EPHA6: variants seen among roughly 807,000 people sequenced by gnomAD.
EPHA6 encodes the protein ephrin type-A receptor 6.
Under a neutral mutation model 112.0 loss-of-function variants are expected in EPHA6, and 50 were observed. The observed-to-expected ratio is 0.45, with a 90% CI of 0.36 to 0.56. EPHA6 has a LOEUF of 0.56. Ranked by LOEUF, EPHA6 falls within the 20% of genes least tolerant of loss-of-function variation. EPHA6 has a pLI of 0.00. For synonymous variants in EPHA6, 529 were observed against 490.7 expected (o/e 1.08, Z -1.03); for missense variants, 1,280 against 1,417.4 (o/e 0.90, Z 1.56).
chr3:97,264,099 G>A (rs2079591810), intron 5 of EPHA6, among the ~76,000 whole-genome samples: 1 of 152,168 alleles, frequency 6.6e-6, no homozygotes, highest in Non-Finnish European at 1.5e-5. Context: ...CTTGTAATAT[G>A]AAAGTGTTAC....
chr3:97,648,569 C>T, intron 14 of EPHA6: 1 of 1,213,134 alleles, frequency 8.2e-7, no homozygotes, highest in Non-Finnish European at 1.0e-6. Flanking sequence ...AATATTTTAA[C>T]ACAAGTGAGA....
intron 7 of EPHA6, among the ~76,000 whole-genome samples, chr3:97,453,773 T>A (rs2090596835): frequency 6.6e-6 from 1 of 151,694 alleles, no homozygotes; most frequent in Non-Finnish European, 1.5e-5. Context: ...GAAATTTGGT[T>A]TGTTTTAACC....
intron 14 of EPHA6, among the ~76,000 whole-genome samples, chr3:97,707,630 T>A (rs914098783): frequency 2.0e-5 from 3 of 152,200 alleles, no homozygotes; most frequent in Non-Finnish European, 2.9e-5. Context: ...CATTTTTTAA[T>A]CAATTTACCC....
intron 3 of EPHA6, among the ~76,000 whole-genome samples, chr3:97,144,547 T>G (rs2075992959): frequency 6.6e-6 from 1 of 151,254 alleles, no homozygotes; most frequent in Non-Finnish European, 1.5e-5. Flanking sequence ...ATTAATATAT[T>G]TAGCTAACTT....
At chr3:96,956,696 T>G (rs2041773286) in intron 2 of EPHA6, among the ~76,000 whole-genome samples, 1 of 152,010 alleles carries the variant, frequency 6.6e-6, no homozygotes, top group African/African-American at 2.4e-5. Flanking sequence ...GAGAAAAAGT[T>G]GTCCCAATAC....
intron 6 of EPHA6, among the ~76,000 whole-genome samples, chr3:97,446,745 CT>C (rs2090358674): frequency 2.6e-5 from 4 of 152,074 alleles, no homozygotes; most frequent in African/African-American, 9.7e-5. Context: ...GAAACAATAT[CT>C]TTTTTTCTAA....
intron 3 of EPHA6, among the ~76,000 whole-genome samples, chr3:97,042,452 G>A (rs2045350078): frequency 6.6e-6 from 1 of 152,060 alleles, no homozygotes; most frequent in Non-Finnish European, 1.5e-5. Context: ...AAATTACCCA[G>A]TCTCAGGTAT....
At chr3:97,095,741 A>G (rs1023218507) in intron 3 of EPHA6, among the ~76,000 whole-genome samples, 3 of 151,730 alleles carry the variant, frequency 2.0e-5, no homozygotes, top group African/African-American at 7.3e-5. Context: ...GTGTACCATC[A>G]TCACTTGAAG....
At chr3:96,960,568 G>C (rs1373275947) in intron 2 of EPHA6, among the ~76,000 whole-genome samples, 1 of 152,136 alleles carries the variant, frequency 6.6e-6, no homozygotes, top group Non-Finnish European at 1.5e-5. Context: ...GTACAAAAAA[G>C]ACTGAGTTTT....
At position 97,356,137 on chromosome 3, in the gene EPHA6, G is replaced by A. The variant is rs538017670; in HGVS notation, c.1607-49013G>A. On this transcript the variant is annotated intron_variant, in intron 5 of 17. Transcript: ENST00000389672. The stretch of plus-strand genomic sequence containing the variant: ...TCAGTGGTAGAATCAGATTCTCATA[G>A]GAGTGTGAACCCTATTTTGAACTGC... Among the ~76,000 whole-genome samples the A allele has an allele frequency of 7.2e-5, 11 of 152,262 alleles. No homozygotes were observed. In the East Asian group the frequency reaches 2.1e-3, roughly 29 times the overall value.
chr3:96,972,421 ACAAACACAC>A (rs1313185691), intron 2 of EPHA6, among the ~76,000 whole-genome samples: 12 of 77,404 alleles, frequency 1.6e-4, no homozygotes, highest in Non-Finnish European at 4.7e-5. Flanking sequence ...AAACACACAC[ACAAACACAC>A]ACACACACAC....
At chr3:96,879,461 G>C (rs974297021) in intron 2 of EPHA6, among the ~76,000 whole-genome samples, 1 of 152,088 alleles carries the variant, frequency 6.6e-6, no homozygotes, top group South Asian at 2.1e-4. Flanking sequence ...GGAAGGTACA[G>C]GGGAGGGAAA....
At chr3:97,205,489 G>A (rs1219416740) in intron 3 of EPHA6, among the ~76,000 whole-genome samples, 2 of 151,928 alleles carry the variant, frequency 1.3e-5, no homozygotes, top group African/African-American at 4.8e-5. Flanking sequence ...GAACTGCATG[G>A]CTCCACTCAG....
intron 2 of EPHA6, among the ~76,000 whole-genome samples, chr3:96,912,574 G>A (rs2039272619): frequency 2.0e-5 from 3 of 152,174 alleles, no homozygotes; most frequent in Admixed American, 2.0e-4. Flanking sequence ...GCAAAAAGTG[G>A]AAAGGCACAG....
intron 5 of EPHA6, among the ~76,000 whole-genome samples, chr3:97,348,441 A>G (rs1355212374): frequency 6.6e-6 from 1 of 152,062 alleles, no homozygotes; most frequent in Non-Finnish European, 1.5e-5. Context: ...CTTCCTTCCA[A>G]GTTATTTTAA....
rs897128439 is a variant in EPHA6 at position 97,750,877 on chromosome 3, A to G, written c.*2176A>G. Among the ~76,000 whole-genome samples, 1 of 152,194 alleles carries G rather than the reference A, an allele frequency of 6.6e-6. No homozygotes were observed. The highest frequency in any genetic ancestry group is 1.5e-5 in the Non-Finnish European group (1 of 68,028). ...ATGGGAAAATCATCACTTTTCAAGT[A>G]AGTGTGCCAGATATAGCTAGCCACA... On this transcript the variant is annotated 3_prime_UTR_variant, in exon 18 of 18. Coordinates refer to ENST00000389672, the MANE Select transcript of EPHA6 (RefSeq NM_001080448.3).
At chr3:97,548,930 A>G (rs2092994016) in intron 11 of EPHA6, among the ~76,000 whole-genome samples, 1 of 152,198 alleles carries the variant, frequency 6.6e-6, no homozygotes. Flanking sequence ...TGGAGCTGGA[A>G]AACTCCTATC....
Position 96,953,323 on chromosome 3 carries a change from A to G in EPHA6, c.451-34007A>G, listed in dbSNP as rs1218344480. 2.6e-5 allele frequency among the ~76,000 whole-genome samples: 4 copies of G among 152,196 alleles called. No individual in the cohort carries two copies. The East Asian group carries it at 7.7e-4, about 29-fold the overall frequency. ...AATTCACTTAGTGTTTGTATTATTG[A>G]AAGTGGCAAGTCAATTGCCAGAATT... On this transcript the variant is annotated intron_variant, in intron 2 of 17. Transcript: ENST00000389672.
chr3:97,483,578 G>C (rs1010394262), intron 9 of EPHA6, among the ~76,000 whole-genome samples: 7 of 152,176 alleles, frequency 4.6e-5, no homozygotes, highest in African/African-American at 9.7e-5. Flanking sequence ...GCTTTGGAGG[G>C]AGGCTTATGC....
Sources: gnomAD v4.1 joint callset for allele counts (sites outside exome capture counted in the v4.1 genomes callset) on GRCh38, gnomAD v4.1.1 for gene constraint, MANE v1.5 for transcripts, NCBI Gene and HGNC (gene_info 2026-07-23, HGNC 2026-07-21) for gene names.